The following EIF2AK3 variants were observed in gnomAD, a reference collection of about 807,000 sequenced individuals.
EIF2AK3 encodes eukaryotic translation initiation factor 2-alpha kinase 3.
Under a neutral mutation model 113.5 loss-of-function variants are expected in EIF2AK3, and 50 were observed. The ratio of observed to expected loss-of-function variants is 0.44; its 90% CI spans 0.35 to 0.56. The LOEUF (loss-of-function observed/expected upper bound fraction) is 0.56. Among genes scored for constraint, EIF2AK3 ranks in the 20% least tolerant of loss-of-function variants. EIF2AK3 has a pLI of 0.00. For missense variants in EIF2AK3, 1,185 were observed against 1,378.0 expected, an observed-to-expected ratio of 0.86 and a Z score of 2.22; for synonymous variants, 448 against 495.4, an observed-to-expected ratio of 0.90 and a Z score of 1.27.
intron 13 of EIF2AK3, among the ~76,000 whole-genome samples, chr2:88,572,507 A>G (rs930555400): frequency 6.6e-6 from 1 of 152,170 alleles, no homozygotes; most frequent in Non-Finnish European, 1.5e-5. Context: ...GTAGAATAAA[A>G]TTTCTGATAG....
chr2:88,567,969 C>CT (rs1210057595), intron 14 of EIF2AK3, among the ~76,000 whole-genome samples: 1 of 151,876 alleles, frequency 6.6e-6, no homozygotes, highest in African/African-American at 2.4e-5. Context: ...TGCTTGATTT[C>CT]TTTTTTCTTT....
At chr2:88,558,477 T>C (rs1673846344) in intron 16 of EIF2AK3, among the ~76,000 whole-genome samples, 1 of 152,214 alleles carries the variant, frequency 6.6e-6, no homozygotes, top group Admixed American at 6.5e-5. Context: ...AATAGATTCA[T>C]CAAGTTTGCA....
intron 1 of EIF2AK3, among the ~76,000 whole-genome samples, chr2:88,621,420 G>A (rs1285943862): frequency 1.3e-5 from 2 of 152,134 alleles, no homozygotes; most frequent in Non-Finnish European, 2.9e-5. Context: ...AACATTGTAT[G>A]GATTAAATAG....
intron 2 of EIF2AK3, among the ~76,000 whole-genome samples, chr2:88,599,087 A>C (rs1000397095): frequency 5.9e-5 from 9 of 152,176 alleles, no homozygotes; most frequent in Non-Finnish European, 1.3e-4. Flanking sequence ...TTTCCAAACA[A>C]GAGTTTAAAA....
At chr2:88,573,548 A>G (rs184158698) in intron 13 of EIF2AK3, among the ~76,000 whole-genome samples, 109 of 152,304 alleles carry the variant, frequency 7.2e-4, no homozygotes, top group African/African-American at 2.5e-3. Flanking sequence ...CAATCCAACC[A>G]AATAATTCAT....
intron 3 of EIF2AK3, among the ~76,000 whole-genome samples, chr2:88,594,830 TAAA>T (rs58582485): frequency 5.2e-5 from 6 of 115,046 alleles, no homozygotes; most frequent in African/African-American, 9.7e-5. Context: ...TGTCAAAATG[TAAA>T]AAAAAAAAAA....
intron 3 of EIF2AK3, among the ~76,000 whole-genome samples, chr2:88,595,206 C>CCA (rs762109383): frequency 5.0e-5 from 3 of 59,456 alleles, no homozygotes; most frequent in African/African-American, 2.1e-4. Context: ...GACTCTGTCT[C>CCA]AAAAAAAAAA....
chr2:88,579,492 A>G (rs1237382471), intron 11 of EIF2AK3, 26 bp downstream of exon 11: 36 of 1,612,642 alleles, frequency 2.2e-5, no homozygotes, highest in Non-Finnish European at 2.8e-5. Flanking sequence ...GCTGATTTCA[A>G]GTTTACTGAA....
At chr2:88,601,116 G>A (rs1419157261) in intron 2 of EIF2AK3, among the ~76,000 whole-genome samples, 1 of 152,096 alleles carries the variant, frequency 6.6e-6, no homozygotes, top group Non-Finnish European at 1.5e-5. Context: ...TTATCTCAAA[G>A]ATCTACTTTA....
At chr2:88,574,059 G>A (rs1441146034) in intron 13 of EIF2AK3, among the ~76,000 whole-genome samples, 1 of 151,996 alleles carries the variant, frequency 6.6e-6, no homozygotes, top group Admixed American at 6.6e-5. Context: ...TGAATATATT[G>A]AAAATAGAAT....
At chr2:88,588,246 C>T in intron 7 of EIF2AK3, 142 bp from the exon 8 acceptor site, 1 of 546,572 alleles carries the variant, frequency 1.8e-6, no homozygotes, top group Non-Finnish European at 3.0e-6. Context: ...AACAAATGGC[C>T]CAGAGCTCTT....
chr2:88,596,917 C>T (rs989102639), intron 2 of EIF2AK3, among the ~76,000 whole-genome samples: 8 of 152,158 alleles, frequency 5.3e-5, no homozygotes, highest in African/African-American at 1.9e-4. Context: ...TAGTACATGT[C>T]TTTGTGACAT....
intron 15 of EIF2AK3, among the ~76,000 whole-genome samples, 199 bp from the exon 16 acceptor site, chr2:88,559,178 G>A (rs1673871747): frequency 1.3e-5 from 2 of 152,136 alleles, no homozygotes; most frequent in South Asian, 4.1e-4. Flanking sequence ...AAAATATACA[G>A]CTGGTCTTCC....
intron 1 of EIF2AK3, among the ~76,000 whole-genome samples, chr2:88,622,041 C>A (rs779946063): frequency 1.3e-5 from 2 of 151,892 alleles, no homozygotes; most frequent in African/African-American, 4.8e-5. Flanking sequence ...GGACTACAGA[C>A]GTGTGCCACC....
At chr2:88,577,563 G>C (rs1309090197) in intron 11 of EIF2AK3, among the ~76,000 whole-genome samples, 3 of 151,010 alleles carry the variant, frequency 2.0e-5, no homozygotes, top group Non-Finnish European at 4.4e-5. Context: ...CCTTTTAGTA[G>C]AGATGAGATT....
At chr2:88,589,719 T>C (rs975062216) in intron 6 of EIF2AK3, among the ~76,000 whole-genome samples, 1 of 151,462 alleles carries the variant, frequency 6.6e-6, no homozygotes, top group Non-Finnish European at 1.5e-5. Flanking sequence ...AGTGTTGTCC[T>C]GTCACCCAGG....
chr2:88,603,785 CTAATTT>C (rs2104455537), intron 2 of EIF2AK3, among the ~76,000 whole-genome samples: 1 of 152,278 alleles, frequency 6.6e-6, no homozygotes, highest in East Asian at 1.9e-4. Flanking sequence ...ACAAGCAATT[CTAATTT>C]TAACTTCAGC....
In EIF2AK3 at chr2:88,627,172, C is replaced by G. The variant is rs776456569; in HGVS notation, c.103G>C (p.Gly35Arg). ...GCCTCCGCCGTCGGCGCTGGGAGGC[C>G]ACGGGCGCGCCCCGCGGCCACCGTC... ...ARTVAAGRAR[G>R]LPAPTAEAAF... Residue 35 changes from glycine (G) to arginine (R), a missense_variant, in exon 1 of 17, where the codon GGC becomes CGC. Around this residue, in one of 3 missense-constraint regions of EIF2AK3, gnomAD observed 189 missense variants for 175.2 expected, o/e 1.08. Coordinates refer to ENST00000303236, the MANE Select transcript of EIF2AK3 (RefSeq NM_004836.7). 74 of 1,441,954 alleles carry G rather than the reference C, an allele frequency of 5.1e-5. No homozygotes were observed. The highest frequency in any genetic ancestry group is 1.0e-5 in the Non-Finnish European group (11 of 1,103,380). 89.3% of individuals were successfully genotyped at this position (1,441,954 alleles called of 1,614,324 possible).
At chr2:88,602,807 G>C (rs1675187939) in intron 2 of EIF2AK3, among the ~76,000 whole-genome samples, 1 of 151,940 alleles carries the variant, frequency 6.6e-6, no homozygotes. Context: ...GACGGGGGTG[G>C]GGAGCAAGGG....
Sources: allele counts gnomAD v4.1 joint callset (sites outside exome capture counted in the v4.1 genomes callset), GRCh38; gene constraint gnomAD v4.1.1; regional missense constraint gnomAD v4.1.1; transcripts MANE v1.5; gene names NCBI Gene and HGNC (gene_info 2026-07-23, HGNC 2026-07-21).